Variants in FBN1 observed in about 807,000 individuals in gnomAD.
FBN1 encodes the protein fibrillin-1.
FBN1 carries 29 observed loss-of-function variants against 365.1 expected under a neutral mutation model. The ratio of observed to expected loss-of-function variants is 0.08; its 90% CI spans 0.06 to 0.11. The LOEUF is 0.11. FBN1 is among the 10% of genes least tolerant of loss of function. FBN1 has a pLI of 1.00. For missense variants in FBN1, 2,476 were observed against 3,703.2 expected (o/e 0.67, Z 8.60); for synonymous variants, 1,210 against 1,270.5 (o/e 0.95, Z 1.01).
chr15:48,576,351 T>C (rs1319457225), intron 6 of FBN1, among the ~76,000 whole-genome samples: 1 of 152,200 alleles, frequency 6.6e-6, no homozygotes, highest in African/African-American at 2.4e-5. Flanking sequence ...TGGAAAAAAA[T>C]TGTCCTTGAC....
chr15:48,537,681 C>G lies in FBN1; in HGVS notation c.666G>C (p.Glu222Asp), dbSNP rs141859289. The G allele has an allele frequency of 6.2e-7, 1 of 1,614,218 alleles. No individual in the cohort carries two copies. The highest frequency in any genetic ancestry group is 1.1e-5 in the South Asian group (1 of 91,086). The stretch of plus-strand genomic sequence containing the variant: ...AGGGGTGAGGCTGGGCAGGACACAT[C>G]TCACAGGGGTGGCCCCAGGCTCGGC... ...TVGRAWGHPCEMCPAQPHPCR... is the reference protein window; with the variant it reads ...TVGRAWGHPCDMCPAQPHPCR... The change falls in exon 7 of 66, where the codon GAG becomes GAC. Residue 222 changes from glutamate (E) to aspartate (D), a missense_variant. Glu to Asp is a conservative substitution (Grantham distance 45). This residue lies in a region of FBN1 where 421 missense variants were observed against 520.1 expected (regional missense o/e 0.81). Transcript: ENST00000316623.
At chr15:48,548,539 C>T (rs554395463) in intron 6 of FBN1, among the ~76,000 whole-genome samples, 2 of 152,274 alleles carry the variant, frequency 1.3e-5, no homozygotes, top group Non-Finnish European at 2.9e-5. Context: ...AAAGTTGCTC[C>T]TGAGACTATA....
intron 6 of FBN1, among the ~76,000 whole-genome samples, chr15:48,549,030 A>T (rs1327174874): frequency 6.6e-6 from 1 of 152,246 alleles, no homozygotes; most frequent in African/African-American, 2.4e-5. Context: ...CAACTCCTGC[A>T]CAAAGCAAGT....
chr15:48,643,094 G>A (rs563164346), intron 2 of FBN1: 1 of 152,300 alleles, frequency 6.6e-6, no homozygotes, highest in African/African-American at 2.4e-5. Flanking sequence ...TTATATACAG[G>A]AGCAATCCTA....
intron 24 of FBN1, among the ~76,000 whole-genome samples, chr15:48,490,370 T>C (rs1178041150): frequency 6.6e-6 from 1 of 152,166 alleles, no homozygotes; most frequent in Non-Finnish European, 1.5e-5. Flanking sequence ...ACAGTGTTCT[T>C]TCGGGAGATG....
chr15:48,606,317 A>T (rs990288725), intron 4 of FBN1, among the ~76,000 whole-genome samples: 5 of 152,224 alleles, frequency 3.3e-5, no homozygotes, highest in African/African-American at 1.2e-4. Context: ...AAAGAAAAAA[A>T]AACTGATGAC....
chr15:48,643,650 C>T (rs1374362718), intron 2 of FBN1: 1 of 152,136 alleles, frequency 6.6e-6, no homozygotes, highest in Non-Finnish European at 1.5e-5. Context: ...AAAAGAGCAT[C>T]AGCGAGAATG....
chr15:48,427,379 G>C (rs1448293076), intron 58 of FBN1, among the ~76,000 whole-genome samples, 188 bp downstream of exon 58: 1 of 152,202 alleles, frequency 6.6e-6, no homozygotes, highest in East Asian at 1.9e-4. Context: ...GCTTAATCAA[G>C]TGGACCAAGG....
At chr15:48,629,895 C>CT (rs1889952340) in intron 2 of FBN1, among the ~76,000 whole-genome samples, 1 of 152,188 alleles carries the variant, frequency 6.6e-6, no homozygotes, top group African/African-American at 2.4e-5. Flanking sequence ...GAAGAACCAC[C>CT]TTTATCTGTT....
At chr15:48,479,167 T>C (rs1002305955) in intron 32 of FBN1, among the ~76,000 whole-genome samples, 2 of 152,198 alleles carry the variant, frequency 1.3e-5, no homozygotes, top group Middle Eastern at 3.2e-3. Flanking sequence ...TGTTCTAAGT[T>C]GTGAATGACA....
chr15:48,522,286 C>T (rs549202371), intron 9 of FBN1, among the ~76,000 whole-genome samples: 12 of 151,914 alleles, frequency 7.9e-5, no homozygotes, highest in Non-Finnish European at 1.5e-4. Context: ...TAATTTAATA[C>T]ACTTTATTGT....
At chr15:48,553,462 T>G (rs1044550385) in intron 6 of FBN1, among the ~76,000 whole-genome samples, 4 of 152,198 alleles carry the variant, frequency 2.6e-5, no homozygotes, top group African/African-American at 9.7e-5. Context: ...AAAAGGTAAG[T>G]ATTGCATTCA....
intron 56 of FBN1, among the ~76,000 whole-genome samples, 165 bp downstream of exon 56, chr15:48,430,506 A>G (rs1482176743): frequency 6.6e-6 from 1 of 152,204 alleles, no homozygotes; most frequent in African/African-American, 2.4e-5. Context: ...GGAATTCACA[A>G]ATGATCACGA....
Position 48,492,603 on chromosome 15 carries a change from AG to A in FBN1, c.2729-18del. On this transcript the variant is annotated intron_variant, in intron 23 of 65. Coordinates refer to ENST00000316623, the MANE Select transcript of FBN1 (RefSeq NM_000138.5). ...CATCTATATCTAAAAAGAAAAAAAA[AG>A]TATAAAGTTAATATATCTTTATAAT... 6.6e-7 allele frequency: 1 copy of A among 1,525,062 alleles called. No individual in the cohort carries two copies. Among genetic ancestry groups the A allele is most frequent in the Middle Eastern group, 1.7e-4 (1 of 5,842 alleles). 94.5% of individuals were successfully genotyped at this position (1,525,062 alleles called of 1,614,324 possible).
At chr15:48,429,337 G>A (rs1332362188) in intron 56 of FBN1, among the ~76,000 whole-genome samples, 5 of 152,032 alleles carry the variant, frequency 3.3e-5, no homozygotes. Context: ...TGCATTTATT[G>A]TAATATTTCA....
At chr15:48,609,552 T>C (rs918297121) in intron 4 of FBN1, among the ~76,000 whole-genome samples, 1 of 152,226 alleles carries the variant, frequency 6.6e-6, no homozygotes. Flanking sequence ...CTGGGGAACT[T>C]CAGGAGACAG....
intron 32 of FBN1, 117 bp from the exon 33 acceptor site, chr15:48,474,767 T>C: frequency 7.8e-7 from 1 of 1,276,474 alleles, no homozygotes; most frequent in Non-Finnish European, 1.1e-6. Flanking sequence ...TAGTATAGAC[T>C]GGTTTTGCAT....
chr15:48,602,528 T>C (rs2044575377), intron 4 of FBN1, among the ~76,000 whole-genome samples: 1 of 152,314 alleles, frequency 6.6e-6, no homozygotes, highest in East Asian at 1.9e-4. Context: ...AAGACCAAAC[T>C]GAGACTTAGA....
Position 48,488,462 on chromosome 15 carries a change from G to C in FBN1, c.3114C>G (p.Leu1038=). ...TGTTTCTGCACTTGCCGTGGGTGCA[G>C]AGGCTGGGTATCATCTTGCACTCAT... is the stretch of plus-strand genomic sequence containing the variant. ...DINECKMIPS[L]CTHGKCRNTI... is the part of the protein sequence containing the mutation. Residue 1038 remains leucine (L), a synonymous_variant, in exon 26 of 66, where the codon CTC becomes CTG. Coordinates refer to ENST00000316623, the MANE Select transcript of FBN1 (RefSeq NM_000138.5). 1.2e-6 allele frequency: 2 copies of C among 1,614,144 alleles called. No homozygotes were observed. Among genetic ancestry groups the C allele is most frequent in the Non-Finnish European group, 1.7e-6 (2 of 1,180,028 alleles).
Sources: allele counts gnomAD v4.1 joint callset (sites outside exome capture counted in the v4.1 genomes callset), GRCh38; gene constraint gnomAD v4.1.1; regional missense constraint gnomAD v4.1.1; transcripts MANE v1.5; gene names NCBI Gene and HGNC (gene_info 2026-07-23, HGNC 2026-07-21).